Variants in PDE3B observed in about 807,000 individuals in gnomAD.
PDE3B encodes the protein phosphodiesterase 3B.
Under a neutral mutation model 116.8 loss-of-function variants are expected in PDE3B, and 66 were observed. The observed-to-expected ratio is 0.56, with a 90% CI of 0.46 to 0.69. The LOEUF is 0.69. PDE3B is among the 30% of genes least tolerant of loss of function. The pLI, the probability that PDE3B is intolerant of heterozygous loss-of-function variation, is 0.00. For synonymous variants in PDE3B, 595 were observed against 533.6 expected, an observed-to-expected ratio of 1.12 and a Z score of -1.59; for missense variants, 1,384 against 1,368.1, an observed-to-expected ratio of 1.01 and a Z score of -0.18.
the PDE3B span, among the ~76,000 whole-genome samples, chr11:14,889,327 A>C: frequency 6.6e-6 from 1 of 152,218 alleles, no homozygotes; most frequent in African/African-American, 2.4e-5. Context: ...TTAACAATTT[A>C]TGCCAACTTT....
chr11:14,706,667 T>G (rs1565100209), intron 1 of PDE3B, among the ~76,000 whole-genome samples: 1 of 151,926 alleles, frequency 6.6e-6, no homozygotes, highest in Non-Finnish European at 1.5e-5. Flanking sequence ...TATGCCACTT[T>G]CAAAGAAACA....
chr11:14,654,696 G>A (rs1853658402), intron 1 of PDE3B, among the ~76,000 whole-genome samples: 2 of 151,778 alleles, frequency 1.3e-5, no homozygotes, highest in African/African-American at 4.8e-5. Flanking sequence ...TTGGAAAGAA[G>A]AAATTAGAAG....
intron 1 of PDE3B, among the ~76,000 whole-genome samples, chr11:14,658,117 T>C (rs1298422773): frequency 1.3e-5 from 2 of 152,068 alleles, no homozygotes; most frequent in Non-Finnish European, 2.9e-5. Context: ...AAAAAAGGGG[T>C]AGAATTATGC....
intron 5 of PDE3B, among the ~76,000 whole-genome samples, chr11:14,811,321 A>T (rs1230734859): frequency 6.6e-6 from 1 of 152,138 alleles, no homozygotes; most frequent in Non-Finnish European, 1.5e-5. Context: ...TTAAGTCTTT[A>T]ATCCATCTTG....
In PDE3B at chr11:14,832,966, T is replaced by C. The variant is rs60539929; in HGVS notation, c.2206+133T>C. ...TTGAAATTTTCTTTTTTTTTTTTCT[T>C]GAGACAAGAGTCTTGATCTTGTCGT... is the stretch of plus-strand genomic sequence containing the variant. On this transcript the variant is annotated intron_variant, in intron 10 of 15. Coordinates refer to ENST00000282096, the MANE Select transcript of PDE3B (RefSeq NM_000922.4). 2.9e-3 allele frequency: 1,436 copies of C among 497,030 alleles called. 42 individuals are homozygous for C. In the East Asian group the frequency reaches 0.047, roughly 16 times the overall value. The allele number at this position is 497,030 out of a possible 1,614,324, so 30.8% of individuals were successfully genotyped here.
chr11:14,652,991 C>T (rs1853609976), intron 1 of PDE3B, among the ~76,000 whole-genome samples: 1 of 152,144 alleles, frequency 6.6e-6, no homozygotes, highest in East Asian at 1.9e-4. Flanking sequence ...AGTCTTTCAC[C>T]TCCATGGTTA....
intron 1 of PDE3B, among the ~76,000 whole-genome samples, chr11:14,651,100 A>G (rs532871645): frequency 6.6e-6 from 1 of 152,292 alleles, no homozygotes; most frequent in Admixed American, 6.5e-5. Flanking sequence ...GTCCAAGATC[A>G]AGTTATCTCC....
chr11:14,792,809 T>C (rs919860664), intron 4 of PDE3B, among the ~76,000 whole-genome samples: 2 of 152,200 alleles, frequency 1.3e-5, no homozygotes, highest in Non-Finnish European at 2.9e-5. Context: ...CAACTTCAGT[T>C]CTGTATATCC....
intron 7 of PDE3B, among the ~76,000 whole-genome samples, chr11:14,830,222 C>T (rs1859833026): frequency 6.6e-6 from 1 of 152,116 alleles, no homozygotes; most frequent in African/African-American, 2.4e-5. Flanking sequence ...TACTGCTCTT[C>T]TTTTCCATGT....
chr11:14,664,703 C>G (rs1243490504), intron 1 of PDE3B, among the ~76,000 whole-genome samples: 2 of 152,146 alleles, frequency 1.3e-5, no homozygotes, highest in African/African-American at 2.4e-5. Flanking sequence ...TACACCCTCC[C>G]AAGACTAAAC....
At chr11:14,886,668 C>T in the PDE3B span, 4 of 152,144 alleles carry the variant, frequency 2.6e-5, no homozygotes, top group African/African-American at 9.7e-5. Flanking sequence ...TATAAGAGGC[C>T]AGTCAGTGAG....
intron 1 of PDE3B, among the ~76,000 whole-genome samples, chr11:14,750,736 G>A (rs1857038468): frequency 6.6e-6 from 1 of 152,076 alleles, no homozygotes; most frequent in Non-Finnish European, 1.5e-5. Context: ...TTCAAGAAGT[G>A]GTTAAGAACC....
chr11:14,856,629 C>T (rs1206712735), intron 12 of PDE3B, among the ~76,000 whole-genome samples: 1 of 152,100 alleles, frequency 6.6e-6, no homozygotes, highest in African/African-American at 2.4e-5. Context: ...CTGAGAAGGG[C>T]AGATCACGAG....
intron 1 of PDE3B, among the ~76,000 whole-genome samples, chr11:14,702,612 A>C (rs1855399228): frequency 6.6e-6 from 1 of 151,736 alleles, no homozygotes; most frequent in African/African-American, 2.4e-5. Context: ...GCACTGTCTA[A>C]TACTAATCAC....
intron 1 of PDE3B, among the ~76,000 whole-genome samples, chr11:14,724,792 C>G (rs1360178397): frequency 1.3e-5 from 2 of 151,996 alleles, no homozygotes; most frequent in Non-Finnish European, 2.9e-5. Context: ...TTGAGGAACT[C>G]CAATATTAAC....
intron 2 of PDE3B, among the ~76,000 whole-genome samples, chr11:14,784,129 C>T (rs983016996): frequency 6.6e-6 from 1 of 152,220 alleles, no homozygotes; most frequent in East Asian, 1.9e-4. Flanking sequence ...CCTCGCACCC[C>T]TACCCAGTCT....
At chr11:14,670,750 G>C (rs969687218) in intron 1 of PDE3B, among the ~76,000 whole-genome samples, 1 of 152,076 alleles carries the variant, frequency 6.6e-6, no homozygotes, top group African/African-American at 2.4e-5. Flanking sequence ...CAAATTTTAC[G>C]TAAGAGGAAA....
At chr11:14,713,718 A>G (rs1401451183) in intron 1 of PDE3B, among the ~76,000 whole-genome samples, 1 of 150,774 alleles carries the variant, frequency 6.6e-6, no homozygotes, top group Non-Finnish European at 1.5e-5. Flanking sequence ...ACACACACAC[A>G]CACACACACT....
At chr11:14,696,161 C>G (rs949362210) in intron 1 of PDE3B, among the ~76,000 whole-genome samples, 9 of 152,146 alleles carry the variant, frequency 5.9e-5, no homozygotes, top group Admixed American at 1.3e-4. Context: ...CACAACCTTG[C>G]CAGCATTTGT....
Sources: allele counts gnomAD v4.1 joint callset (sites outside exome capture counted in the v4.1 genomes callset), GRCh38; gene constraint gnomAD v4.1.1; transcripts MANE v1.5; gene names NCBI Gene and HGNC (gene_info 2026-07-23, HGNC 2026-07-21).